GABRB2: variants seen among roughly 807,000 people sequenced by gnomAD.
The protein encoded by GABRB2 is gamma-aminobutyric acid type A receptor subunit beta2, also known as gamma-aminobutyric acid receptor subunit beta-2.
In GABRB2, 16 loss-of-function variants were observed where a neutral mutation model predicts 54.7. That is an observed-to-expected ratio of 0.29 (90% CI 0.20 to 0.44). The LOEUF is 0.44. Among genes scored for constraint, GABRB2 ranks in the 20% least tolerant of loss-of-function variants. The probability of loss-of-function intolerance (pLI) is 1.00; values close to 1 mark genes in which losing one functional copy is unlikely to be tolerated. For missense variants in GABRB2, 355 were observed against 644.0 expected (o/e 0.55, Z 4.86); for synonymous variants, 244 against 233.8 (o/e 1.04, Z -0.40).
chr5:161,401,018 A>C (rs1381129525), intron 5 of GABRB2, among the ~76,000 whole-genome samples: 1 of 152,160 alleles, frequency 6.6e-6, no homozygotes, highest in African/African-American at 2.4e-5. Context: ...TGTATCTAAA[A>C]TTCTAGGTTC....
chr5:161,334,230 T>C (rs1753928363), intron 7 of GABRB2, among the ~76,000 whole-genome samples: 1 of 152,012 alleles, frequency 6.6e-6, no homozygotes, highest in Non-Finnish European at 1.5e-5. Context: ...TCCTTTTGTG[T>C]TTGTTAGAAA....
chr5:161,425,127 C>T (rs1055542457), intron 4 of GABRB2, among the ~76,000 whole-genome samples: 4 of 152,004 alleles, frequency 2.6e-5, no homozygotes, highest in Admixed American at 6.6e-5. Context: ...GAGATAAAAC[C>T]TATTCCAGGT....
At chr5:161,466,954 A>G (rs1255294385) in intron 3 of GABRB2, among the ~76,000 whole-genome samples, 3 of 152,110 alleles carry the variant, frequency 2.0e-5, no homozygotes, top group Non-Finnish European at 2.9e-5. Flanking sequence ...ATTTGACAAT[A>G]AGATAGCAGG....
At chr5:161,341,958 T>TATATATAC (rs1754176415) in intron 5 of GABRB2, among the ~76,000 whole-genome samples, 1 of 79,358 alleles carries the variant, frequency 1.3e-5, no homozygotes, top group South Asian at 5.3e-4. Flanking sequence ...TATATATATA[T>TATATATAC]ATATATATAT....
intron 3 of GABRB2, among the ~76,000 whole-genome samples, chr5:161,485,567 G>C (rs1393037815): frequency 1.3e-5 from 2 of 151,830 alleles, no homozygotes; most frequent in African/African-American, 4.8e-5. Flanking sequence ...TCATTTTATA[G>C]TACCTGTCCA....
chr5:161,369,774 T>C (rs190549266), intron 5 of GABRB2, among the ~76,000 whole-genome samples: 2 of 152,318 alleles, frequency 1.3e-5, no homozygotes, highest in East Asian at 3.9e-4. Flanking sequence ...AAATCTTTCA[T>C]ACAATACTCT....
chr5:161,425,079 A>AT (rs920736263), intron 4 of GABRB2, among the ~76,000 whole-genome samples: 1 of 152,076 alleles, frequency 6.6e-6, no homozygotes, highest in African/African-American at 2.4e-5. Context: ...AGGATTGAGA[A>AT]TTTTTTTCTT....
chr5:161,490,274 TA>T (rs1247872735), intron 3 of GABRB2, among the ~76,000 whole-genome samples: 6 of 151,620 alleles, frequency 4.0e-5, no homozygotes, highest in Non-Finnish European at 8.9e-5. Context: ...AGAGATAGAA[TA>T]AACATAAATC....
At chr5:161,462,333 C>A (rs1197325604) in intron 3 of GABRB2, among the ~76,000 whole-genome samples, 3 of 152,090 alleles carry the variant, frequency 2.0e-5, no homozygotes, top group Non-Finnish European at 4.4e-5. Flanking sequence ...AATTATATAA[C>A]TAGAAAACAG....
chr5:161,304,244 T>C (rs535586781), intron 9 of GABRB2, among the ~76,000 whole-genome samples: 1 of 152,380 alleles, frequency 6.6e-6, no homozygotes, highest in South Asian at 2.1e-4. Flanking sequence ...AAATCACATC[T>C]TGGTCTAAGG....
At chr5:161,475,486 A>C (rs1200941459) in intron 3 of GABRB2, among the ~76,000 whole-genome samples, 1 of 151,956 alleles carries the variant, frequency 6.6e-6, no homozygotes, top group East Asian at 1.9e-4. Flanking sequence ...CCAGCATTAC[A>C]CTAATCCCAA....
chr5:161,499,109 G>C (rs1311073559), intron 3 of GABRB2, among the ~76,000 whole-genome samples: 2 of 151,988 alleles, frequency 1.3e-5, no homozygotes, highest in Non-Finnish European at 1.5e-5. Context: ...TACTAGCATT[G>C]GCCCCCTGGA....
At chr5:161,510,055 T>A (rs1296860238) in intron 3 of GABRB2, among the ~76,000 whole-genome samples, 1 of 152,076 alleles carries the variant, frequency 6.6e-6, no homozygotes, top group East Asian at 1.9e-4. Flanking sequence ...GATACAGGCA[T>A]GCAATGTAAA....
At chr5:161,421,519 T>C (rs1267790233) in intron 4 of GABRB2, among the ~76,000 whole-genome samples, 1 of 152,224 alleles carries the variant, frequency 6.6e-6, no homozygotes, top group Non-Finnish European at 1.5e-5. Context: ...CAACATATTC[T>C]GTGGCTGACT....
At chr5:161,473,017 A>G (rs1758490859) in intron 3 of GABRB2, among the ~76,000 whole-genome samples, 1 of 152,012 alleles carries the variant, frequency 6.6e-6, no homozygotes, top group South Asian at 2.1e-4. Flanking sequence ...TTCAGATTCT[A>G]AATAATTAGC....
intron 5 of GABRB2, among the ~76,000 whole-genome samples, chr5:161,385,817 T>A (rs1755607526): frequency 6.6e-6 from 1 of 152,048 alleles, no homozygotes; most frequent in Non-Finnish European, 1.5e-5. Context: ...AGAAAGCAGG[T>A]AAGTCTAAAG....
chr5:161,379,817 G>A (rs1755413678), intron 5 of GABRB2, among the ~76,000 whole-genome samples: 1 of 152,094 alleles, frequency 6.6e-6, no homozygotes. Context: ...TCCAGAAAGG[G>A]GAACATTTGA....
At chr5:161,310,763 C>CT (rs1668482101) in intron 9 of GABRB2, among the ~76,000 whole-genome samples, 1 of 136,222 alleles carries the variant, frequency 7.3e-6, no homozygotes, top group East Asian at 2.1e-4. Flanking sequence ...TATGCTACAG[C>CT]ATTTTTTTTT....
chr5:161,360,266 T>A (rs983444054), intron 5 of GABRB2, among the ~76,000 whole-genome samples: 2 of 151,976 alleles, frequency 1.3e-5, no homozygotes, highest in African/African-American at 4.8e-5. Context: ...CAGTCTGGGA[T>A]AGGAAGAGTA....
Sources: allele counts gnomAD v4.1 joint callset (sites outside exome capture counted in the v4.1 genomes callset), GRCh38; gene constraint gnomAD v4.1.1; transcripts MANE v1.5; gene names NCBI Gene and HGNC (gene_info 2026-07-23, HGNC 2026-07-21).